The following TENM3 variants were observed in gnomAD, a reference collection of about 807,000 sequenced individuals.
The protein encoded by TENM3 is teneurin-3.
TENM3 carries 63 observed loss-of-function variants against 255.1 expected under a neutral mutation model. The ratio of observed to expected loss-of-function variants is 0.25; its 90% CI spans 0.20 to 0.30. The LOEUF (loss-of-function observed/expected upper bound fraction) is 0.30. Ranked by LOEUF, TENM3 falls within the 10% of genes least tolerant of loss-of-function variation. The pLI, the probability that TENM3 is intolerant of heterozygous loss-of-function variation, is 1.00. For synonymous variants in TENM3, 1,306 were observed against 1,322.3 expected, an observed-to-expected ratio of 0.99 and a Z score of 0.27; for missense variants, 2,929 against 3,461.1, an observed-to-expected ratio of 0.85 and a Z score of 3.86.
the TENM3 span, among the ~76,000 whole-genome samples, chr4:181,729,494 A>G: frequency 6.6e-6 from 1 of 152,130 alleles, no homozygotes; most frequent in Non-Finnish European, 1.5e-5. Flanking sequence ...CCGGAAAGGC[A>G]GCCAGGTTGT....
chr4:182,080,064 C>A, the TENM3 span, among the ~76,000 whole-genome samples: 1 of 152,186 alleles, frequency 6.6e-6, no homozygotes, highest in African/African-American at 2.4e-5. Context: ...CTTAACCATG[C>A]AGAGATACTG....
chr4:181,859,278 T>TAAA, the TENM3 span, among the ~76,000 whole-genome samples: 1 of 151,134 alleles, frequency 6.6e-6, no homozygotes, highest in Non-Finnish European at 1.5e-5. Context: ...CCCTCATTTT[T>TAAA]CCTTATGCCA....
At chr4:181,849,949 T>TCTCTCTCTCTCTCTCTCTCTCACACACA in the TENM3 span, among the ~76,000 whole-genome samples, 5 of 65,902 alleles carry the variant, frequency 7.6e-5, no homozygotes, top group African/African-American at 2.2e-4. Flanking sequence ...TCTCTCTCTC[T>TCTCTCTCTCTCTCTCTCTCTCACACACA]CACACACACA....
intron 1 of TENM3, among the ~76,000 whole-genome samples, chr4:182,221,891 A>G (rs1038418879): frequency 6.6e-6 from 1 of 152,162 alleles, no homozygotes; most frequent in African/African-American, 2.4e-5. Flanking sequence ...CTATTTTGAC[A>G]GTTCTTTATG....
chr4:181,924,346 C>T, the TENM3 span, among the ~76,000 whole-genome samples: 2 of 152,004 alleles, frequency 1.3e-5, no homozygotes, highest in Non-Finnish European at 2.9e-5. Flanking sequence ...TGTTTCTGAC[C>T]CAGGAGTCTT....
At chr4:182,202,299 C>CTTTTTTT (rs773698031) in intron 1 of TENM3, among the ~76,000 whole-genome samples, 5 of 100,606 alleles carry the variant, frequency 5.0e-5, no homozygotes, top group African/African-American at 1.3e-4. Flanking sequence ...GTGCACTGCA[C>CTTTTTTT]TTTTTTTTTT....
At chr4:182,642,744 A>C (rs1752422683) in intron 5 of TENM3, among the ~76,000 whole-genome samples, 1 of 152,224 alleles carries the variant, frequency 6.6e-6, no homozygotes, top group South Asian at 2.1e-4. Context: ...AACTTCCTAT[A>C]TCAAATGTTA....
intron 3 of TENM3, among the ~76,000 whole-genome samples, chr4:182,418,839 A>G (rs1477976645): frequency 1.3e-5 from 2 of 152,160 alleles, no homozygotes; most frequent in Non-Finnish European, 2.9e-5. Flanking sequence ...CTGGGATTAC[A>G]GCTGTGTGCC....
the TENM3 span, among the ~76,000 whole-genome samples, chr4:181,503,911 A>G: frequency 1.3e-5 from 2 of 152,096 alleles, no homozygotes; most frequent in South Asian, 4.1e-4. Flanking sequence ...CACCCCTTCC[A>G]TGGCTGGAAG....
At chr4:182,210,520 T>G (rs1465577366) in intron 1 of TENM3, among the ~76,000 whole-genome samples, 1 of 151,940 alleles carries the variant, frequency 6.6e-6, no homozygotes, top group Non-Finnish European at 1.5e-5. Flanking sequence ...TGTATTATTA[T>G]AATCATGTCT....
chr4:182,572,040 T>C (rs1744432325), intron 3 of TENM3, among the ~76,000 whole-genome samples: 1 of 152,168 alleles, frequency 6.6e-6, no homozygotes, highest in African/African-American at 2.4e-5. Context: ...TAGCTGGGAC[T>C]ACAGGCGCCT....
At chr4:182,310,126 T>C (rs540242629) in intron 1 of TENM3, among the ~76,000 whole-genome samples, 1 of 152,228 alleles carries the variant, frequency 6.6e-6, no homozygotes. Context: ...GTTCTCTGTC[T>C]CCTTCCCAGT....
intron 1 of TENM3, among the ~76,000 whole-genome samples, chr4:182,176,709 C>A (rs1262828096): frequency 1.3e-5 from 2 of 151,818 alleles, no homozygotes; most frequent in Admixed American, 6.6e-5. Context: ...ACTCTGTCAC[C>A]CAGGCTAGAG....
At chr4:181,893,108 C>T in the TENM3 span, among the ~76,000 whole-genome samples, 39 of 151,996 alleles carry the variant, frequency 2.6e-4, no homozygotes, top group Non-Finnish European at 4.7e-4. Context: ...AATATAATTC[C>T]GTATTCCCAG....
At chr4:181,768,027 A>G in the TENM3 span, among the ~76,000 whole-genome samples, 3 of 152,352 alleles carry the variant, frequency 2.0e-5, no homozygotes, top group East Asian at 5.8e-4. Context: ...TGGCTATTCA[A>G]CTGAAAACTG....
rs113517908 is a variant in TENM3 at position 182,718,901 on chromosome 4, C to T, written c.2368+4668C>T. 6.2e-3 allele frequency among the ~76,000 whole-genome samples: 951 copies of T among 152,282 alleles called. 16 individuals are homozygous for T. The highest frequency in any genetic ancestry group is 0.022 in the South Asian group (104 of 4,834). ...ATGCAAGCACCAAAAGGCAATAGCT[C>T]GCCAGAGATAATTCTGTCTCTATGG... On this transcript the variant is annotated intron_variant, in intron 13 of 27. Transcript: ENST00000511685.
chr4:181,987,030 C>A, the TENM3 span, among the ~76,000 whole-genome samples: 1 of 152,058 alleles, frequency 6.6e-6, no homozygotes, highest in East Asian at 1.9e-4. Context: ...ATATATCTTC[C>A]TTGAAGTAAG....
the TENM3 span, among the ~76,000 whole-genome samples, chr4:181,557,147 A>G: frequency 6.6e-6 from 1 of 152,210 alleles, no homozygotes; most frequent in African/African-American, 2.4e-5. Context: ...CAGGTGCTAC[A>G]CAGAACATAA....
intron 3 of TENM3, among the ~76,000 whole-genome samples, chr4:182,415,634 CCT>C (rs1770308721): frequency 2.6e-5 from 4 of 152,146 alleles, no homozygotes; most frequent in South Asian, 4.1e-4. Flanking sequence ...GCATCATTTC[CCT>C]CTGTTTTCAT....
Sources: gnomAD v4.1 joint callset for allele counts (sites outside exome capture counted in the v4.1 genomes callset) on GRCh38, gnomAD v4.1.1 for gene constraint, MANE v1.5 for transcripts, NCBI Gene and HGNC (gene_info 2026-07-23, HGNC 2026-07-21) for gene names.